The following UGT3A1 variants were observed in gnomAD, a reference collection of about 807,000 sequenced individuals.
The protein encoded by UGT3A1 is UDP glycosyltransferase family 3 member A1, also known as UDP-glycosyltransferase 3A1.
UGT3A1 carries 40 observed loss-of-function variants against 37.6 expected under a neutral mutation model. The observed-to-expected ratio is 1.06, with a 90% confidence interval of 0.83 to 1.38. The LOEUF (loss-of-function observed/expected upper bound fraction) is 1.38, where lower values mean the gene tolerates loss of function less well. Ranked by LOEUF, UGT3A1 falls within the 40% of genes most tolerant of loss-of-function variation. The pLI is 0.00. For missense variants in UGT3A1, 642 were observed against 634.2 expected (o/e 1.01, Z -0.13); for synonymous variants, 256 against 232.3 (o/e 1.10, Z -0.93).
upstream of UGT3A1, among the ~76,000 whole-genome samples, chr5:35,993,695 C>A (rs1359631926): frequency 6.6e-6 from 1 of 152,134 alleles, no homozygotes; most frequent in Non-Finnish European, 1.5e-5. Context: ...CATCATTTTT[C>A]TCTATTGACG....
chr5:35,983,757 C>A (rs1740622768), intron 2 of UGT3A1, among the ~76,000 whole-genome samples: 1 of 152,076 alleles, frequency 6.6e-6, no homozygotes, highest in South Asian at 2.1e-4. Context: ...TGCAAATCAA[C>A]AAACATGATA....
intron 2 of UGT3A1, among the ~76,000 whole-genome samples, chr5:35,976,369 T>C (rs548275025): frequency 6.6e-6 from 1 of 152,288 alleles, no homozygotes; most frequent in African/African-American, 2.4e-5. Context: ...GCCCTGTGAT[T>C]AAAATTAATG....
At chr5:35,982,876 C>A (rs561359544) in intron 2 of UGT3A1, among the ~76,000 whole-genome samples, 196 of 152,206 alleles carry the variant, frequency 1.3e-3, no homozygotes, top group African/African-American at 4.5e-3. Context: ...GTGCAGATTT[C>A]CCCTTGCTCT....
At chr5:35,976,910 A>AAGGAAGGAAG (rs200289130) in intron 2 of UGT3A1, among the ~76,000 whole-genome samples, 2 of 139,226 alleles carry the variant, frequency 1.4e-5, no homozygotes, top group East Asian at 2.1e-4. Context: ...GGAAGGAAGG[A>AAGGAAGGAAG]GAGAGAGAAA....
chr5:35,957,678 T>A (rs769847130), intron 4 of UGT3A1, among the ~76,000 whole-genome samples: 100 of 152,362 alleles, frequency 6.6e-4, no homozygotes, highest in Non-Finnish European at 2.1e-4. Context: ...GTGATTTTTT[T>A]AAGTTTTTGT....
chr5:35,979,696 G>T (rs964724888), intron 2 of UGT3A1, among the ~76,000 whole-genome samples: 3 of 152,064 alleles, frequency 2.0e-5, no homozygotes, highest in African/African-American at 4.8e-5. Context: ...CACATTTTTG[G>T]GTATCTTTAC....
chr5:35,990,895 C>CG, intron 1 of UGT3A1: 1 of 1,318,934 alleles, frequency 7.6e-7, no homozygotes, highest in South Asian at 1.7e-5. Context: ...TCCTGCGGGA[C>CG]GGGGAGCGCG....
intron 2 of UGT3A1, among the ~76,000 whole-genome samples, chr5:35,988,135 T>C (rs1394585061): frequency 3.9e-5 from 6 of 152,248 alleles, no homozygotes; most frequent in Admixed American, 2.0e-4. Flanking sequence ...TAAACATTTC[T>C]GTTCAAAAAA....
chr5:35,960,341 C>G lies in UGT3A1; in HGVS notation c.844-2922G>C, dbSNP rs183215696. 5.9e-5 allele frequency among the ~76,000 whole-genome samples: 9 copies of G among 152,246 alleles called. No individual in the cohort carries two copies. In the East Asian group the frequency reaches 1.7e-3, roughly 29 times the overall value. ...CTGCCATAAAGATAGACACATGGAC[C>G]AGTGGAATAGAAGACTGAGCCCGGA... is the stretch of plus-strand genomic sequence containing the variant. On this transcript the variant is annotated intron_variant, in intron 4 of 6. Coordinates refer to ENST00000274278, the MANE Select transcript of UGT3A1 (RefSeq NM_152404.4).
At chr5:35,994,333 T>TTG (rs35026618), upstream of UGT3A1, among the ~76,000 whole-genome samples, 13,292 of 138,476 alleles carry the variant, frequency 0.096, 683 homozygotes, top group East Asian at 0.16. Flanking sequence ...TTTGTTTTGT[T>TTG]TGTGTGTGTG....
chr5:35,954,349 G>T lies in UGT3A1; in HGVS notation c.1425C>A (p.Ala475=). Residue 475 remains alanine (A), a synonymous_variant, in exon 7 of 7, where the codon GCC becomes GCA. Coordinates refer to ENST00000274278, the MANE Select transcript of UGT3A1 (RefSeq NM_152404.4). ...ACTGCTCATGCCAAGGCTGCTGGAAGGCATAGGGCTTGAGGTGCGTCGCTC... is the reference window on the plus strand; with the variant it reads ...ACTGCTCATGCCAAGGCTGCTGGAATGCATAGGGCTTGAGGTGCGTCGCTC... ...TGGATHLKPY[A]FQQPWHEQYL... is the part of the protein sequence containing the mutation. 1 of 1,614,220 alleles carries T rather than the reference G, an allele frequency of 6.2e-7. No individual in the cohort carries two copies.
intron 2 of UGT3A1, among the ~76,000 whole-genome samples, chr5:35,975,981 A>T (rs1740252623): frequency 6.6e-6 from 1 of 152,148 alleles, no homozygotes; most frequent in Non-Finnish European, 1.5e-5. Context: ...GCAAGGATTC[A>T]TGGGTTCAGG....
At chr5:35,968,366 C>G (rs995738057) in intron 2 of UGT3A1, among the ~76,000 whole-genome samples, 4 of 152,032 alleles carry the variant, frequency 2.6e-5, no homozygotes, top group African/African-American at 7.2e-5. Context: ...ATAAAAGTTT[C>G]CACTTAAAGC....
At chr5:35,954,624 G>A (rs1739285253) in intron 6 of UGT3A1, 146 bp from the exon 7 acceptor site, 2 of 1,010,078 alleles carry the variant, frequency 2.0e-6, no homozygotes, top group Non-Finnish European at 2.8e-6. Context: ...TTGTTGGCAT[G>A]GCCTTGCCAC....
intron 1 of UGT3A1, among the ~76,000 whole-genome samples, chr5:36,000,157 C>G (rs988488668): frequency 2.6e-5 from 4 of 152,218 alleles, no homozygotes; most frequent in Non-Finnish European, 4.4e-5. Flanking sequence ...AGCACTCCCC[C>G]TAGTGCTGCT....
At chr5:36,000,230 G>A (rs1248648342) in intron 1 of UGT3A1, among the ~76,000 whole-genome samples, 1 of 152,166 alleles carries the variant, frequency 6.6e-6, no homozygotes, top group Non-Finnish European at 1.5e-5. Context: ...AGAACAGGAA[G>A]GCCATGTGTA....
At chr5:35,989,114 A>G (rs539149854) in intron 1 of UGT3A1, among the ~76,000 whole-genome samples, 2 of 152,312 alleles carry the variant, frequency 1.3e-5, no homozygotes, top group Admixed American at 1.3e-4. Context: ...TTAGAGCCCA[A>G]ATCTTTGTGA....
intron 2 of UGT3A1, among the ~76,000 whole-genome samples, chr5:35,973,384 T>C (rs1477040534): frequency 6.6e-6 from 1 of 152,154 alleles, no homozygotes; most frequent in Non-Finnish European, 1.5e-5. Context: ...GTGAAAGGTA[T>C]GTAAAGTTTG....
chr5:35,996,568 T>C (rs924970119), intron 2 of UGT3A1, among the ~76,000 whole-genome samples: 1 of 152,242 alleles, frequency 6.6e-6, no homozygotes, highest in African/African-American at 2.4e-5. Flanking sequence ...ATATTTCTAA[T>C]ATGCCCTGGG....
Sources: allele counts gnomAD v4.1 joint callset (sites outside exome capture counted in the v4.1 genomes callset), GRCh38; gene constraint gnomAD v4.1.1; transcripts MANE v1.5; gene names NCBI Gene and HGNC (gene_info 2026-07-23, HGNC 2026-07-21).